The following SLC25A36 variants were observed in gnomAD, a reference collection of about 807,000 sequenced individuals.
SLC25A36 encodes solute carrier family 25 member 36.
A neutral mutation model predicts 35.3 loss-of-function variants in SLC25A36; 24 were observed. The observed-to-expected ratio is 0.68, with a 90% CI of 0.49 to 0.96. The LOEUF (loss-of-function observed/expected upper bound fraction) is 0.96. Among genes scored for constraint, SLC25A36 ranks in the 40% least tolerant of loss-of-function variants. The pLI is 0.00. For missense variants in SLC25A36, 294 were observed against 381.1 expected, an observed-to-expected ratio of 0.77 and a Z score of 1.90; for synonymous variants, 141 against 132.2, an observed-to-expected ratio of 1.07 and a Z score of -0.46.
intron 1 of SLC25A36, among the ~76,000 whole-genome samples, chr3:140,949,051 C>A (rs1307369124): frequency 6.6e-6 from 1 of 152,186 alleles, no homozygotes; most frequent in Non-Finnish European, 1.5e-5. Flanking sequence ...CTCTTTCTTA[C>A]AAAACTTGTT....
intron 3 of SLC25A36, among the ~76,000 whole-genome samples, chr3:140,960,067 A>G (rs1300962491): frequency 6.6e-6 from 1 of 152,146 alleles, no homozygotes; most frequent in African/African-American, 2.4e-5. Flanking sequence ...TGCATAGACT[A>G]GGAGATATAA....
At chr3:140,965,799 G>A (rs551879339) in intron 4 of SLC25A36, 1 of 151,362 alleles carries the variant, frequency 6.6e-6, no homozygotes, top group South Asian at 2.1e-4. Context: ...CATGACCTTT[G>A]ACAGACTAAG....
chr3:140,953,804 T>A (rs1020159082), intron 1 of SLC25A36, among the ~76,000 whole-genome samples: 15 of 152,004 alleles, frequency 9.9e-5, no homozygotes, highest in Admixed American at 5.9e-4. Context: ...AAAAAAATTT[T>A]AAAAAATTTA....
In SLC25A36 at chr3:140,964,118, T is replaced by G. The variant is rs546768853; in HGVS notation, c.385+891T>G. 5 of 152,100 alleles carry G rather than the reference T, an allele frequency of 3.3e-5. No homozygotes were observed. In the South Asian group the frequency reaches 6.2e-4, roughly 19 times the overall value. 9.4% of individuals were successfully genotyped at this position (152,100 alleles called of 1,614,324 possible). A position where few individuals can be genotyped will look rare whatever the true frequency, so the allele number is the denominator to read the frequency against. ...TATTGATCAATAAATTGAATGTCAATTATGTGCTTAATAATGAGTGCCTTA... is the reference window on the plus strand; with the variant it reads ...TATTGATCAATAAATTGAATGTCAAGTATGTGCTTAATAATGAGTGCCTTA... On this transcript the variant is annotated intron_variant, in intron 4 of 6. Transcript: ENST00000324194.
chr3:140,975,097 C>CTTTT (rs10662120), intron 6 of SLC25A36, among the ~76,000 whole-genome samples: 4,217 of 54,884 alleles, frequency 0.077, 1,583 homozygotes, highest in Admixed American at 0.11. Context: ...AAGATACATT[C>CTTTT]TTTTTTTTTT....
rs1331562827 is a variant in SLC25A36, at chr3:140,979,332, A to G, written c.*2879A>G. 1 of 152,166 alleles carries G rather than the reference A, an allele frequency of 6.6e-6. No homozygotes were observed. Among genetic ancestry groups the G allele is most frequent in the East Asian group, 1.9e-4 (1 of 5,202 alleles). 9.4% of individuals were successfully genotyped at this position (152,166 alleles called of 1,614,324 possible). A position where few individuals can be genotyped will look rare whatever the true frequency, so the allele number is the denominator to read the frequency against. On this transcript the variant is annotated 3_prime_UTR_variant, in exon 7 of 7. Coordinates refer to ENST00000324194, the MANE Select transcript of SLC25A36 (RefSeq NM_001104647.3). ...AGGTTGGTTTTAAATCACTAAAAAT[A>G]TTTATTCGGATTTGAAGGATTTAAG...
At chr3:140,961,771 G>A (rs962763731) in intron 3 of SLC25A36, among the ~76,000 whole-genome samples, 2 of 148,640 alleles carry the variant, frequency 1.3e-5, no homozygotes, top group Admixed American at 1.4e-4. Context: ...CAGGAGAATG[G>A]CGTGAACCCG....
chr3:140,953,945 T>C (rs1192749573), intron 1 of SLC25A36, among the ~76,000 whole-genome samples: 1 of 152,126 alleles, frequency 6.6e-6, no homozygotes, highest in Non-Finnish European at 1.5e-5. Context: ...ACTCCAGCCT[T>C]GGTGACAGAG....
intron 3 of SLC25A36, among the ~76,000 whole-genome samples, chr3:140,962,678 T>A (rs941203941): frequency 6.6e-6 from 1 of 152,144 alleles, no homozygotes; most frequent in Non-Finnish European, 1.5e-5. Flanking sequence ...ATACCATATC[T>A]ACTTATCTTC....
rs1421032639 is a variant in SLC25A36, at chr3:140,956,604, C to T, written c.119C>T (p.Thr40Met). 14 of 1,613,172 alleles carry T rather than the reference C, an allele frequency of 8.7e-6. No individual in the cohort carries two copies. The highest frequency in any genetic ancestry group is 1.1e-5 in the South Asian group (1 of 91,048). ...VKTRLQSSSVTLYISEVQLNT... is the reference protein window; with the variant it reads ...VKTRLQSSSVMLYISEVQLNT... ...ACACGACTGCAGTCATCTTCTGTGA[C>T]GCTTTATATTTCTGAAGTTCAGCTG... is the stretch of plus-strand genomic sequence containing the variant. The change falls in exon 2 of 7, where the codon ACG becomes ATG. Residue 40 changes from threonine (T) to methionine (M), a missense_variant. Thr to Met is a moderately conservative substitution (Grantham distance 81, BLOSUM62 -1). Transcript: ENST00000324194.
chr3:140,970,847 T>G (rs1934881588), intron 4 of SLC25A36, 80 bp from the exon 5 acceptor site: 2 of 693,092 alleles, frequency 2.9e-6, no homozygotes, highest in South Asian at 3.4e-5. Flanking sequence ...TGAATGTAGA[T>G]TTATCTAATT....
intron 6 of SLC25A36, among the ~76,000 whole-genome samples, chr3:140,975,127 T>TTTTTTTTG: frequency 8.2e-6 from 1 of 122,672 alleles, no homozygotes; most frequent in Admixed American, 8.0e-5. Context: ...TTTTTTTTTT[T>TTTTTTTTG]GATAGGATCT....
chr3:140,954,139 G>T (rs1019858779), intron 1 of SLC25A36, among the ~76,000 whole-genome samples: 5 of 152,108 alleles, frequency 3.3e-5, no homozygotes, highest in Admixed American at 3.3e-4. Context: ...TTTGCTTAAC[G>T]AGGGGGATAA....
In SLC25A36 at chr3:140,980,618, A is replaced by G. The variant is rs2107826773; in HGVS notation, c.*4165A>G. ...TAGGGAAGTAATTTGTGAGTTCATG[A>G]TTTCTTAAGGTTCTAGTGTGACATT... On this transcript the variant is annotated 3_prime_UTR_variant, in exon 7 of 7. Coordinates refer to ENST00000324194, the MANE Select transcript of SLC25A36 (RefSeq NM_001104647.3). Among the ~76,000 whole-genome samples, 1 of 151,784 alleles carries G rather than the reference A, an allele frequency of 6.6e-6. No homozygotes were observed. The highest frequency in any genetic ancestry group is 2.1e-4 in the South Asian group (1 of 4,802).
intron 4 of SLC25A36, among the ~76,000 whole-genome samples, chr3:140,967,399 A>G (rs1439298809): frequency 1.3e-5 from 2 of 151,894 alleles, no homozygotes; most frequent in African/African-American, 4.8e-5. Flanking sequence ...AATGCTTTCC[A>G]TTCTTTTTTG....
At chr3:140,975,440 A>G (rs1935017514) in intron 6 of SLC25A36, among the ~76,000 whole-genome samples, 1 of 152,154 alleles carries the variant, frequency 6.6e-6, no homozygotes, top group South Asian at 2.1e-4. Context: ...AATGGCACGA[A>G]TCTTTAAGAC....
At chr3:140,966,243 A>T (rs34677627) in intron 4 of SLC25A36, 22,294 of 165,286 alleles carry the variant, frequency 0.13, 2,616 homozygotes, top group African/African-American at 0.33. Flanking sequence ...AATATTTTTT[A>T]AAAATATTTT....
chr3:140,950,914 G>T (rs1200656348), intron 1 of SLC25A36, among the ~76,000 whole-genome samples: 2 of 125,474 alleles, frequency 1.6e-5, no homozygotes, highest in Non-Finnish European at 3.3e-5. Flanking sequence ...GTGTGTCTGT[G>T]TGTCTGTGTG....
At chr3:140,955,290 G>A (rs773515977) in intron 1 of SLC25A36, among the ~76,000 whole-genome samples, 8 of 151,910 alleles carry the variant, frequency 5.3e-5, no homozygotes, top group Non-Finnish European at 7.4e-5. Context: ...GAATTGTTTA[G>A]TGTATTATTG....
Sources: gnomAD v4.1 joint callset for allele counts (sites outside exome capture counted in the v4.1 genomes callset) on GRCh38, gnomAD v4.1.1 for gene constraint, MANE v1.5 for transcripts, NCBI Gene and HGNC (gene_info 2026-07-23, HGNC 2026-07-21) for gene names.